Variants in PRLR observed in about 807,000 individuals in gnomAD.
PRLR encodes prolactin receptor.
A neutral mutation model predicts 40.2 loss-of-function variants in PRLR; 13 were observed. That is an observed-to-expected ratio of 0.32 (90% CI 0.21 to 0.51). The LOEUF is 0.51. Ranked by LOEUF, PRLR falls within the 20% of genes least tolerant of loss-of-function variation. The pLI is 0.97. For synonymous variants in PRLR, 269 were observed against 278.7 expected, an observed-to-expected ratio of 0.97 and a Z score of 0.35; for missense variants, 656 against 747.3, an observed-to-expected ratio of 0.88 and a Z score of 1.42.
chr5:35,179,921 T>G (rs1381969985), intron 1 of PRLR, among the ~76,000 whole-genome samples: 2 of 152,324 alleles, frequency 1.3e-5, no homozygotes, highest in Middle Eastern at 3.4e-3. Context: ...ATTGTGCACT[T>G]TATTTCTATT....
downstream of PRLR, among the ~76,000 whole-genome samples, chr5:35,054,933 G>T (rs191342699): frequency 1.7e-4 from 26 of 152,300 alleles, no homozygotes; most frequent in African/African-American, 6.3e-4. Flanking sequence ...AGAGAATTTG[G>T]TTGTTGAGGG....
rs187777422 is a variant in PRLR at position 35,162,433 on chromosome 5, A to T, written c.-105-44311T>A. Among the ~76,000 whole-genome samples, 648 of 152,302 alleles carry T rather than the reference A, an allele frequency of 4.3e-3. 9 individuals carry two copies. The highest frequency in any genetic ancestry group is 2.2e-3 in the Non-Finnish European group (152 of 68,036). Reference sequence around the variant, plus strand: ...TGTATTTTGTATACTTTTTATCCATAATTTGAGGAAATATGTACAAGGATT... The same window carrying T: ...TGTATTTTGTATACTTTTTATCCATTATTTGAGGAAATATGTACAAGGATT... On this transcript the variant is annotated intron_variant, in intron 1 of 9. Transcript: ENST00000618457.
chr5:35,152,117 G>A (rs1454593378), intron 1 of PRLR, among the ~76,000 whole-genome samples: 1 of 152,126 alleles, frequency 6.6e-6, no homozygotes, highest in East Asian at 1.9e-4. Flanking sequence ...ACCTTCTAGG[G>A]AAGTTATACA....
At chr5:35,079,769 A>T (rs572829504) in intron 5 of PRLR, among the ~76,000 whole-genome samples, 1 of 152,322 alleles carries the variant, frequency 6.6e-6, no homozygotes, top group African/African-American at 2.4e-5. Context: ...GAGGCGTCAC[A>T]CTACCTGACT....
At chr5:35,050,474 A>C (rs1394748638) in intron 8 of PRLR, among the ~76,000 whole-genome samples, 3 of 152,222 alleles carry the variant, frequency 2.0e-5, no homozygotes, top group Non-Finnish European at 4.4e-5. Context: ...TCTCCATTTT[A>C]CATAAGACTA....
chr5:35,141,236 G>GGAAA (rs748978928), intron 1 of PRLR, among the ~76,000 whole-genome samples: 1 of 141,328 alleles, frequency 7.1e-6, no homozygotes, highest in African/African-American at 2.6e-5. Context: ...CTTAATACCT[G>GGAAA]AAAAAAAAAA....
intron 1 of PRLR, among the ~76,000 whole-genome samples, chr5:35,166,238 C>T (rs540477592): frequency 6.6e-6 from 1 of 152,252 alleles, no homozygotes; most frequent in Non-Finnish European, 1.5e-5. Flanking sequence ...GCTTCATGGT[C>T]ATGTCCCCTA....
chr5:35,153,959 C>T (rs1035896926), intron 1 of PRLR, among the ~76,000 whole-genome samples: 1 of 152,160 alleles, frequency 6.6e-6, no homozygotes, highest in South Asian at 2.1e-4. Flanking sequence ...CCAGAAAGAG[C>T]CCACTGGACA....
intron 2 of PRLR, among the ~76,000 whole-genome samples, chr5:35,099,950 G>T (rs1008752893): frequency 6.6e-6 from 1 of 152,026 alleles, no homozygotes; most frequent in African/African-American, 2.4e-5. Flanking sequence ...GCTGAAGCGG[G>T]CAGATCATGA....
chr5:35,205,535 A>G (rs1314290647), intron 1 of PRLR, among the ~76,000 whole-genome samples: 2 of 46,458 alleles, frequency 4.3e-5, no homozygotes, highest in Non-Finnish European at 9.5e-5. Context: ...CATCCCTTCT[A>G]TATCTGTATG....
At chr5:35,072,515 G>A (rs1258248061) in intron 6 of PRLR, 60 bp downstream of exon 6, 7 of 1,534,978 alleles carry the variant, frequency 4.6e-6, no homozygotes, top group Non-Finnish European at 6.2e-6. Flanking sequence ...GTTTTCAGTT[G>A]TGAGGGCTTT....
At chr5:35,160,695 C>A (rs1440319130) in intron 1 of PRLR, among the ~76,000 whole-genome samples, 2 of 152,190 alleles carry the variant, frequency 1.3e-5, no homozygotes, top group Admixed American at 1.3e-4. Context: ...GCATGTCTGA[C>A]ATGGTTGGCT....
intron 1 of PRLR, among the ~76,000 whole-genome samples, chr5:35,216,076 G>C (rs912321980): frequency 1.3e-5 from 2 of 151,588 alleles, no homozygotes. Context: ...AAAAGAAATA[G>C]AAGTAAGAAC....
At chr5:35,170,458 C>A (rs1274696236) in intron 1 of PRLR, among the ~76,000 whole-genome samples, 1 of 152,104 alleles carries the variant, frequency 6.6e-6, no homozygotes. Flanking sequence ...AGTTTTAGAC[C>A]AGCCTGGGCA....
At chr5:35,088,505 C>A (rs1300116202) in intron 3 of PRLR, among the ~76,000 whole-genome samples, 1 of 152,150 alleles carries the variant, frequency 6.6e-6, no homozygotes, top group Non-Finnish European at 1.5e-5. Context: ...GTCATTCTGA[C>A]CTCTGCTTTC....
downstream of PRLR, among the ~76,000 whole-genome samples, chr5:35,052,917 TC>T (rs1190004986): frequency 4.6e-5 from 7 of 152,246 alleles, no homozygotes; most frequent in South Asian, 2.1e-4. Flanking sequence ...GACAGTTTCC[TC>T]TGTATCTTTG....
chr5:35,059,845 A>G lies in PRLR; in HGVS notation c.*5244T>C, dbSNP rs1348406263. On this transcript the variant is annotated 3_prime_UTR_variant, in exon 10 of 10. Coordinates refer to ENST00000618457, the MANE Select transcript of PRLR (RefSeq NM_000949.7). ...CTAGTCATCGAAGTAACTTGGGTTT[A>G]TTTATTGAGACAAGGTCTTGCTCTC... 1.3e-5 allele frequency: 2 copies of G among 152,104 alleles called. No individual in the cohort carries two copies. Among genetic ancestry groups the G allele is most frequent in the African/African-American group, 4.8e-5 (2 of 41,422 alleles). The allele number at this position is 152,104 out of a possible 1,614,324, so 9.4% of individuals were successfully genotyped here.
At chr5:35,159,029 A>G (rs1172815584) in intron 1 of PRLR, among the ~76,000 whole-genome samples, 1 of 152,188 alleles carries the variant, frequency 6.6e-6, no homozygotes, top group East Asian at 1.9e-4. Context: ...TTACAACCAA[A>G]AAGTCTTGAT....
chr5:35,119,751 C>T (rs890111717), intron 1 of PRLR, among the ~76,000 whole-genome samples: 3 of 152,122 alleles, frequency 2.0e-5, no homozygotes, highest in Admixed American at 6.5e-5. Context: ...TCTGTCATCT[C>T]CAAAATAAGA....
Sources: allele counts gnomAD v4.1 joint callset (sites outside exome capture counted in the v4.1 genomes callset), GRCh38; gene constraint gnomAD v4.1.1; transcripts MANE v1.5; gene names NCBI Gene and HGNC (gene_info 2026-07-23, HGNC 2026-07-21).